Variants in CNTNAP2 observed in about 807,000 individuals in gnomAD.
The protein encoded by CNTNAP2 is contactin associated protein 2.
In CNTNAP2, 98 loss-of-function variants were observed where a neutral mutation model predicts 155.2. The ratio of observed to expected loss-of-function variants is 0.63; its 90% CI spans 0.54 to 0.75. The LOEUF is 0.75. Among genes scored for constraint, CNTNAP2 ranks in the 30% least tolerant of loss-of-function variants. The probability of loss-of-function intolerance (pLI) is 0.00; values close to 1 mark genes in which losing one functional copy is unlikely to be tolerated. For missense variants in CNTNAP2, 1,727 were observed against 1,688.1 expected, an observed-to-expected ratio of 1.02 and a Z score of -0.40; for synonymous variants, 651 against 631.2, an observed-to-expected ratio of 1.03 and a Z score of -0.47.
Position 146,720,965 on chromosome 7 carries a change from GTA to G in CNTNAP2, c.98-53297_98-53296del, listed in dbSNP as rs1274860576. 4.1e-3 allele frequency among the ~76,000 whole-genome samples: 450 copies of G among 109,980 alleles called. 4 individuals are homozygous for G. The East Asian group carries it at 0.046, about 11-fold the overall frequency. 72.2% of individuals were successfully genotyped at this position (109,980 alleles called of 152,430 possible). On this transcript the variant is annotated intron_variant, in intron 1 of 23. Transcript: ENST00000361727. ...TCTCTATATATTCTATATATATACA[GTA>G]TATATATAGACTATATATACTGTAT... is the stretch of plus-strand genomic sequence containing the variant.
intron 8 of CNTNAP2, among the ~76,000 whole-genome samples, chr7:147,266,410 A>G (rs746766950): frequency 1.2e-4 from 19 of 152,348 alleles, no homozygotes; most frequent in Admixed American, 2.0e-4. Flanking sequence ...GGCAGCCCCT[A>G]TCTCCCTTTG....
In CNTNAP2 at chr7:147,637,446, T is replaced by A. The variant is rs77554133; in HGVS notation, c.1898-1660T>A. Among the ~76,000 whole-genome samples, 748 of 152,228 alleles carry A rather than the reference T, an allele frequency of 4.9e-3. 7 individuals carry two copies. Among genetic ancestry groups the A allele is most frequent in the African/African-American group, 0.016 (680 of 41,532 alleles). On this transcript the variant is annotated intron_variant, in intron 12 of 23. Coordinates refer to ENST00000361727, the MANE Select transcript of CNTNAP2 (RefSeq NM_014141.6). ...GTTTTGTCTTGAGCACCTGAAAGAA[T>A]GGAGTTGCCATGTACCAAAATAAGA...
At position 146,142,931 on chromosome 7, in the gene CNTNAP2, C is replaced by T. The variant is rs1797901160; in HGVS notation, c.97+25958C>T. Among the ~76,000 whole-genome samples, 4 of 152,166 alleles carry T rather than the reference C, an allele frequency of 2.6e-5. 1 individual carries two copies. In the South Asian group the frequency reaches 8.3e-4, roughly 31 times the overall value. ...AGAAGTCCAATGTCTAGAAAGGCAT[C>T]CAGTAGTTAGTATGACTGAAGTACA... On this transcript the variant is annotated intron_variant, in intron 1 of 23. Coordinates refer to ENST00000361727, the MANE Select transcript of CNTNAP2 (RefSeq NM_014141.6).
chr7:146,732,485 T>G (rs1801542921), intron 1 of CNTNAP2, among the ~76,000 whole-genome samples: 1 of 152,172 alleles, frequency 6.6e-6, no homozygotes, highest in African/African-American at 2.4e-5. Flanking sequence ...TGGAATTGCC[T>G]TCTTCATTTT....
intron 1 of CNTNAP2, among the ~76,000 whole-genome samples, chr7:146,290,955 A>T (rs550586540): frequency 2.8e-4 from 43 of 152,322 alleles, no homozygotes; most frequent in African/African-American, 9.6e-4. Context: ...TGTTTTTCCT[A>T]TAATACCGTA....
At chr7:147,513,508 G>A (rs1799058133) in intron 11 of CNTNAP2, among the ~76,000 whole-genome samples, 1 of 152,202 alleles carries the variant, frequency 6.6e-6, no homozygotes, top group Non-Finnish European at 1.5e-5. Context: ...TTGCTGTAAT[G>A]CTAAAAGGAG....
At chr7:147,509,012 C>T (rs1798967000) in intron 11 of CNTNAP2, among the ~76,000 whole-genome samples, 1 of 152,166 alleles carries the variant, frequency 6.6e-6, no homozygotes. Context: ...ACAAAATATG[C>T]ATAATCTAGT....
rs531135769 is a variant in CNTNAP2, at chr7:148,005,408, T to C, written c.2383+27419T>C. ...GTGGGGGACACAGACATTCAGTTCA[T>C]AGCAGTGGAAGATAAGGGGTGCTGT... On this transcript the variant is annotated intron_variant, in intron 15 of 23. Coordinates refer to ENST00000361727, the MANE Select transcript of CNTNAP2 (RefSeq NM_014141.6). Among the ~76,000 whole-genome samples the C allele has an allele frequency of 2.6e-5, 4 of 152,266 alleles. No individual in the cohort carries two copies. In the South Asian group the frequency reaches 8.3e-4, roughly 32 times the overall value.
chr7:147,392,006 G>T (rs749279049), intron 9 of CNTNAP2, among the ~76,000 whole-genome samples: 1 of 151,906 alleles, frequency 6.6e-6, no homozygotes, highest in African/African-American at 2.4e-5. Context: ...GAAGATGCCC[G>T]ATGGCTCCTT....
At chr7:147,233,583 CA>C (rs11354058) in intron 8 of CNTNAP2, among the ~76,000 whole-genome samples, 57,597 of 135,798 alleles carry the variant, frequency 0.42, 11,326 homozygotes, top group Non-Finnish European at 0.46. Flanking sequence ...ACCAAAAAAG[CA>C]AAAAAAAAAA....
At chr7:147,250,548 C>G (rs1034359077) in intron 8 of CNTNAP2, among the ~76,000 whole-genome samples, 2 of 151,908 alleles carry the variant, frequency 1.3e-5, no homozygotes, top group African/African-American at 2.4e-5. Flanking sequence ...CCCCACCCCC[C>G]CATCTGACAG....
At chr7:147,536,511 A>C (rs565949678) in intron 11 of CNTNAP2, among the ~76,000 whole-genome samples, 1 of 152,216 alleles carries the variant, frequency 6.6e-6, no homozygotes, top group South Asian at 2.1e-4. Context: ...CAAGCCCCAG[A>C]CCCCAGCTGC....
At chr7:148,336,449 A>AG (rs1486021444) in intron 21 of CNTNAP2, among the ~76,000 whole-genome samples, 2 of 151,646 alleles carry the variant, frequency 1.3e-5, no homozygotes, top group Non-Finnish European at 2.9e-5. Context: ...TTTTAAAAAA[A>AG]AAAAGTTTCG....
intron 13 of CNTNAP2, among the ~76,000 whole-genome samples, chr7:147,894,602 T>A (rs1799746628): frequency 6.6e-6 from 1 of 152,132 alleles, no homozygotes. Context: ...TAAAACTAGT[T>A]CTCATCAAGC....
chr7:146,843,711 T>C (rs1803788651), intron 3 of CNTNAP2, among the ~76,000 whole-genome samples: 1 of 151,808 alleles, frequency 6.6e-6, no homozygotes, highest in Non-Finnish European at 1.5e-5. Flanking sequence ...CATTAAGTGA[T>C]TAAAATTTAG....
chr7:146,289,549 A>G (rs1800395176), intron 1 of CNTNAP2, among the ~76,000 whole-genome samples: 1 of 152,162 alleles, frequency 6.6e-6, no homozygotes, highest in South Asian at 2.1e-4. Flanking sequence ...ACTAATTTTC[A>G]TTATTCACCA....
chr7:146,480,969 C>A (rs992136811), intron 1 of CNTNAP2, among the ~76,000 whole-genome samples: 3 of 151,780 alleles, frequency 2.0e-5, no homozygotes, highest in Non-Finnish European at 2.9e-5. Context: ...CATGAGCCAC[C>A]GCGCCCGGCC....
At chr7:146,585,395 C>T (rs1798674001) in intron 1 of CNTNAP2, among the ~76,000 whole-genome samples, 1 of 152,148 alleles carries the variant, frequency 6.6e-6, no homozygotes, top group Non-Finnish European at 1.5e-5. Context: ...GCTGGGATTA[C>T]AGGTGTGAGC....
intron 13 of CNTNAP2, among the ~76,000 whole-genome samples, chr7:147,841,887 CTTTCT>C (rs1373918749): frequency 6.6e-6 from 1 of 152,054 alleles, no homozygotes; most frequent in Non-Finnish European, 1.5e-5. Context: ...ATAATGTGTA[CTTTCT>C]TTTAAGAAAT....
Sources: allele counts gnomAD v4.1 joint callset (sites outside exome capture counted in the v4.1 genomes callset), GRCh38; gene constraint gnomAD v4.1.1; transcripts MANE v1.5; gene names NCBI Gene and HGNC (gene_info 2026-07-23, HGNC 2026-07-21).